The following AMY2A variants were observed in gnomAD, a reference collection of about 807,000 sequenced individuals.
AMY2A encodes the protein pancreatic alpha-amylase.
Under a neutral mutation model 43.0 loss-of-function variants are expected in AMY2A, and 16 were observed. The ratio of observed to expected loss-of-function variants is 0.37; its 90% CI spans 0.25 to 0.56. The LOEUF is 0.56. Ranked by LOEUF, AMY2A falls within the 20% of genes least tolerant of loss-of-function variation. The pLI, the probability that AMY2A is intolerant of heterozygous loss-of-function variation, is 0.77. For missense variants in AMY2A, 212 were observed against 456.8 expected, an observed-to-expected ratio of 0.46 and a Z score of 4.89; for synonymous variants, 70 against 144.6, an observed-to-expected ratio of 0.48 and a Z score of 3.70.
At position 103,619,172 on chromosome 1, in the gene AMY2A, A is replaced by G. The variant is rs904224125; in HGVS notation, c.513+64A>G. The stretch of plus-strand genomic sequence containing the variant: ...TATATGCCTTTTCTTGTAGACATGT[A>G]GCTAATTGAATTTCATTTAAAATAG... On this transcript the variant is annotated intron_variant, in intron 3 of 9. Transcript: ENST00000414303. 1.2e-4 allele frequency: 75 copies of G among 600,018 alleles called. 1 individual carries two copies. Among genetic ancestry groups the G allele is most frequent in the Admixed American group, 3.3e-5 (1 of 29,932 alleles). 37.2% of individuals were successfully genotyped at this position (600,018 alleles called of 1,614,324 possible). A position where few individuals can be genotyped will look rare whatever the true frequency, so the allele number is the denominator to read the frequency against.
rs115039815 is a variant in AMY2A at position 103,618,397 on chromosome 1, G to A, written c.315+297G>A. ...CCGGAAACAATTTACTGGTTAGGAA[G>A]TATAATTCCAGTTACAATGTTTGCT... On this transcript the variant is annotated intron_variant, in intron 2 of 9. Coordinates refer to ENST00000414303, the MANE Select transcript of AMY2A (RefSeq NM_000699.4). Among the ~76,000 whole-genome samples the A allele has an allele frequency of 1.5e-3, 223 of 150,806 alleles. 4 individuals are homozygous for A. Among genetic ancestry groups the A allele is most frequent in the African/African-American group, 5.0e-3 (208 of 41,414 alleles).
In AMY2A at chr1:103,618,056, G is replaced by A. The variant is rs771596779; in HGVS notation, c.271G>A (p.Glu91Lys). 10 of 1,600,502 alleles carry A rather than the reference G, an allele frequency of 6.2e-6. 1 individual carries two copies. Among genetic ancestry groups the A allele is most frequent in the Non-Finnish European group, 8.5e-6 (10 of 1,170,640 alleles). Residue 91 changes from glutamate to lysine, a missense_variant, in exon 2 of 10, where the codon GAA becomes AAA. By Grantham distance (56) the Glu-to-Lys change is moderately conservative. Around this residue, in one of 2 missense-constraint regions of AMY2A, gnomAD observed 199 missense variants for 210.6 expected, o/e 0.94. Coordinates refer to ENST00000414303, the MANE Select transcript of AMY2A (RefSeq NM_000699.4). The stretch of plus-strand genomic sequence containing the variant: ...TAAATTATGCACAAGATCTGGAAAT[G>A]AAGATGAATTTAGAAACATGGTGAC... Reference protein sequence around the residue: ...SYKLCTRSGNEDEFRNMVTRC... With the variant: ...SYKLCTRSGNKDEFRNMVTRC...
chr1:103,619,593 C>G lies in AMY2A; in HGVS notation c.553C>G (p.Leu185Val). 6.2e-7 allele frequency: 1 copy of G among 1,612,672 alleles called. No homozygotes were observed. The highest frequency in any genetic ancestry group is 8.5e-7 in the Non-Finnish European group (1 of 1,179,136). The change falls in exon 4 of 10, where the codon CTG (leucine) becomes GTG (valine). Residue 185 changes from leucine (L) to valine (V), a missense_variant. Transcript: ENST00000414303. Reference sequence around the variant, plus strand: ...TCTGACTGGTCTTCTTGATCTTGCACTGGAGAAGGATTACGTGCGTTCTAA... The same window carrying G: ...TCTGACTGGTCTTCTTGATCTTGCAGTGGAGAAGGATTACGTGCGTTCTAA... ...CRLTGLLDLA[L>V]EKDYVRSKIA...
chr1:103,618,604 C>G (rs777351222), intron 2 of AMY2A, among the ~76,000 whole-genome samples: 1 of 150,588 alleles, frequency 6.6e-6, no homozygotes, highest in Admixed American at 6.6e-5. Flanking sequence ...AAAACAATAA[C>G]CTTTCCACTC....
chr1:103,619,118 T>C lies in AMY2A; in HGVS notation c.513+10T>C, dbSNP rs1288901483. 1 of 932,282 alleles carries C rather than the reference T, an allele frequency of 1.1e-6. No individual in the cohort carries two copies. Among genetic ancestry groups the C allele is most frequent in the East Asian group, 2.8e-5 (1 of 36,044 alleles). 57.8% of individuals were successfully genotyped at this position (932,282 alleles called of 1,614,324 possible). ...CAATGATGCTACTCAGGTAATTTTT[T>C]TACGAGAGTGATCTGAATAAAAGAG... On this transcript the variant is annotated intron_variant, in intron 3 of 9. Coordinates refer to ENST00000414303, the MANE Select transcript of AMY2A (RefSeq NM_000699.4).
chr1:103,617,514 G>C lies in AMY2A; in HGVS notation c.74G>C (p.Arg25Pro). Residue 25 changes from arginine to proline, a missense_variant, in exon 1 of 10, where the codon CGG becomes CCG. Around this residue, in one of 2 missense-constraint regions of AMY2A, gnomAD observed 199 missense variants for 210.6 expected, o/e 0.94. Transcript: ENST00000414303. ...AQYSPNTQQG[R>P]TSIVHLFEWR... ...TATTCCCCAAATACACAACAAGGAC[G>C]GACATCTATTGTTCATCTGTTTGAA... 1 of 1,600,720 alleles carries C rather than the reference G, an allele frequency of 6.2e-7. No individual in the cohort carries two copies. The highest frequency in any genetic ancestry group is 8.5e-7 in the Non-Finnish European group (1 of 1,170,772).
At chr1:103,618,504 A>G (rs2101098779) in intron 2 of AMY2A, among the ~76,000 whole-genome samples, 1 of 150,824 alleles carries the variant, frequency 6.6e-6, no homozygotes, top group South Asian at 2.1e-4. Flanking sequence ...TTTAATGAGG[A>G]GCATAAATTG....
chr1:103,619,010 A>C lies in AMY2A; in HGVS notation c.415A>C (p.Arg139=). The C allele has an allele frequency of 2.2e-6, 3 of 1,344,746 alleles. No homozygotes were observed. The East Asian group carries it at 7.2e-5, about 32-fold the overall frequency. The allele number at this position is 1,344,746 out of a possible 1,614,324, so 83.3% of individuals were successfully genotyped here. Residue 139 remains arginine (R), a synonymous_variant, in exon 3 of 10, where the codon AGG becomes CGG. Coordinates refer to ENST00000414303, the MANE Select transcript of AMY2A (RefSeq NM_000699.4). ...TCGSYFNPGS[R]DFPAVPYSGW... ...TGGAAGTTACTTCAACCCTGGAAGT[A>C]GGGACTTTCCAGCAGTCCCATATTC...
chr1:103,624,277 CT>C (rs1024089576), intron 9 of AMY2A, 56 bp downstream of exon 9: 14 of 656,734 alleles, frequency 2.1e-5, no homozygotes, highest in Middle Eastern at 3.9e-4. Context: ...TTGGTTTATT[CT>C]TTTTTTTCTC....
At chr1:103,623,082 TAATA>T (rs1557782548) in intron 7 of AMY2A, among the ~76,000 whole-genome samples, 1 of 98,182 alleles carries the variant, frequency 1.0e-5, no homozygotes, top group African/African-American at 4.2e-5. Flanking sequence ...TGAATGATTC[TAATA>T]TTTATTCAGC....
At chr1:103,620,410 A>AAACAG (rs1373970012) in intron 4 of AMY2A, 141 bp from the exon 5 acceptor site, 1 of 600,096 alleles carries the variant, frequency 1.7e-6, no homozygotes, top group African/African-American at 1.9e-5. Flanking sequence ...AAACAAAACA[A>AAACAG]GACAAAAAGA....
At chr1:103,620,183 CT>C (rs1396881178) in intron 4 of AMY2A, among the ~76,000 whole-genome samples, 2 of 140,464 alleles carry the variant, frequency 1.4e-5, no homozygotes, top group Non-Finnish European at 3.2e-5. Flanking sequence ...ATATTGTAGC[CT>C]ATACTTTATC....
Position 103,618,136 on chromosome 1 carries a change from C to T in AMY2A, c.315+36C>T, listed in dbSNP as rs200162793. 3.2e-6 allele frequency: 5 copies of T among 1,585,560 alleles called. No individual in the cohort carries two copies. In the South Asian group the frequency reaches 3.4e-5, roughly 11 times the overall value. ...TCTAGTTTCCTTTAAAAATAACAGA[C>T]AGGAAAATGGTTTCTCTCTCTTCTT... is the stretch of plus-strand genomic sequence containing the variant. On this transcript the variant is annotated intron_variant, in intron 2 of 9. Coordinates refer to ENST00000414303, the MANE Select transcript of AMY2A (RefSeq NM_000699.4).
chr1:103,617,596 T>A lies in AMY2A; in HGVS notation c.156T>A (p.Phe52Leu). 6.2e-7 allele frequency: 1 copy of A among 1,601,038 alleles called. No homozygotes were observed. The highest frequency in any genetic ancestry group is 8.5e-7 in the Non-Finnish European group (1 of 1,170,938). ...AGCGATATTTAGCTCCGAAGGGATT[T>A]GGAGGGGTTCAGGTGGGTATGATTC... ...ECERYLAPKG[F>L]GGVQVSPPNE... The change falls in exon 1 of 10, where the codon TTT becomes TTA. Residue 52 changes from phenylalanine to leucine, a missense_variant. Coordinates refer to ENST00000414303, the MANE Select transcript of AMY2A (RefSeq NM_000699.4).
chr1:103,616,974 C>A (rs1477631201), upstream of AMY2A: 21 of 1,042,614 alleles, frequency 2.0e-5, no homozygotes, highest in Non-Finnish European at 2.4e-5. Context: ...CCATAGGACC[C>A]AGTTTCCTTT....
At position 103,617,465 on chromosome 1, in the gene AMY2A, A is replaced by G. The variant is rs1292416008; in HGVS notation, c.25A>G (p.Thr9Ala). Residue 9 changes from threonine (T) to alanine (A), a missense_variant, in exon 1 of 10, where the codon ACC (threonine) becomes GCC (alanine). Thr to Ala is a moderately conservative substitution (Grantham distance 58, BLOSUM62 0). Transcript: ENST00000414303. MKFFLLLF[T>A]IGFCWAQYSP... ...AATGAAGTTCTTTCTGTTGCTTTTC[A>G]CCATTGGGTTCTGCTGGGCTCAGTA... 1 of 1,600,204 alleles carries G rather than the reference A, an allele frequency of 6.2e-7. No individual in the cohort carries two copies. The highest frequency in any genetic ancestry group is 1.3e-5 in the African/African-American group (1 of 74,654).
At chr1:103,617,899 C>G (rs1440822503) in intron 1 of AMY2A, 55 bp from the exon 2 acceptor site, 1 of 1,597,472 alleles carries the variant, frequency 6.3e-7, no homozygotes, top group Non-Finnish European at 8.6e-7. Context: ...CTAGAACATT[C>G]AATGATACAC....
At chr1:103,618,137 A>G in intron 2 of AMY2A, 37 bp downstream of exon 2, 2 of 1,583,038 alleles carry the variant, frequency 1.3e-6, no homozygotes, top group Non-Finnish European at 8.6e-7. Context: ...AATAACAGAC[A>G]GGAAAATGGT....
chr1:103,617,135 A>T (rs1169978730), upstream of AMY2A: 1 of 973,544 alleles, frequency 1.0e-6, no homozygotes, highest in Non-Finnish European at 1.4e-6. Context: ...GATGACAACA[A>T]ATTTTGGTTT....
Sources: gnomAD v4.1 joint callset for allele counts (sites outside exome capture counted in the v4.1 genomes callset) on GRCh38, gnomAD v4.1.1 for gene constraint, gnomAD v4.1.1 regional missense constraint, MANE v1.5 for transcripts, NCBI Gene and HGNC (gene_info 2026-07-23, HGNC 2026-07-21) for gene names.